The following RAPGEF2 variants were observed in gnomAD, a reference collection of about 807,000 sequenced individuals.
RAPGEF2 encodes the protein PDZ domain containing guanine nucleotide exchange factor (GEF) 1.
In RAPGEF2, 54 loss-of-function variants were observed where a neutral mutation model predicts 186.7. The ratio of observed to expected loss-of-function variants is 0.29; its 90% confidence interval spans 0.23 to 0.36. The LOEUF (loss-of-function observed/expected upper bound fraction) is 0.36, where lower values mean the gene tolerates loss of function less well. Among genes scored for constraint, RAPGEF2 ranks in the 10% least tolerant of loss-of-function variants. The pLI is 1.00. For missense variants in RAPGEF2, 1,532 were observed against 2,045.0 expected (o/e 0.75, Z 4.84); for synonymous variants, 712 against 705.9 (o/e 1.01, Z -0.14).
At chr4:159,116,002 A>C (rs1019611615) in intron 1 of RAPGEF2, among the ~76,000 whole-genome samples, 4 of 152,218 alleles carry the variant, frequency 2.6e-5, no homozygotes, top group Admixed American at 2.6e-4. Context: ...AAATCTAGGC[A>C]ATACCATTCA....
intron 4 of RAPGEF2, among the ~76,000 whole-genome samples, chr4:159,234,274 T>C (rs1417644779): frequency 6.6e-6 from 1 of 152,192 alleles, no homozygotes; most frequent in Non-Finnish European, 1.5e-5. Flanking sequence ...AGGTGTACAT[T>C]TAAGTTACCC....
chr4:159,175,237 C>T (rs899700432), intron 1 of RAPGEF2, among the ~76,000 whole-genome samples: 1 of 152,030 alleles, frequency 6.6e-6, no homozygotes, highest in African/African-American at 2.4e-5. Context: ...AGTTCAGAAA[C>T]AGTATTTTGC....
At chr4:159,154,505 C>CTTT (rs5863351) in intron 1 of RAPGEF2, among the ~76,000 whole-genome samples, 10 of 136,668 alleles carry the variant, frequency 7.3e-5, no homozygotes, top group Admixed American at 1.5e-4. Context: ...CTCACATCAC[C>CTTT]TTTTTTTTTT....
chr4:159,161,711 CAAAAA>C (rs1336697852), intron 1 of RAPGEF2, among the ~76,000 whole-genome samples: 1 of 151,848 alleles, frequency 6.6e-6, no homozygotes, highest in Non-Finnish European at 1.5e-5. Flanking sequence ...GGTCCTGTCT[CAAAAA>C]TAAAAATAAA....
chr4:159,256,513 G>A lies in RAPGEF2; in HGVS notation c.543+12722G>A, dbSNP rs554181260. The stretch of plus-strand genomic sequence containing the variant: ...GAGTAGTGCTGTGATGAACATATGT[G>A]TGTGAGTATCTTTGTAATAGGATGA... On this transcript the variant is annotated intron_variant, in intron 7 of 29. Coordinates refer to ENST00000691494, the MANE Select transcript of RAPGEF2 (RefSeq NM_001394067.2). 2.0e-5 allele frequency among the ~76,000 whole-genome samples: 3 copies of A among 152,320 alleles called. No individual in the cohort carries two copies. The East Asian group carries it at 5.8e-4, about 29-fold the overall frequency.
At chr4:159,332,718 T>C in intron 17 of RAPGEF2, 21 bp downstream of exon 17, 1 of 1,608,180 alleles carries the variant, frequency 6.2e-7, no homozygotes, top group Non-Finnish European at 8.5e-7. Context: ...GCATATGTCT[T>C]CTGTGCATTA....
chr4:159,241,352 C>T lies in RAPGEF2; in HGVS notation c.509C>T (p.Pro170Leu). ...TATCCCATGGGCAAACCTCCTTTGC[C>T]TAGAGGCTATCACACGGTAAGTTAT... ...DPYPMGKPPL[P>L]RGYHTECTKS... Residue 170 changes from proline to leucine, a missense_variant, in exon 6 of 30, where the codon CCT (proline) becomes CTT (leucine). Coordinates refer to ENST00000691494, the MANE Select transcript of RAPGEF2 (RefSeq NM_001394067.2). 6.7e-7 allele frequency: 1 copy of T among 1,495,042 alleles called. No homozygotes were observed. Among genetic ancestry groups the T allele is most frequent in the South Asian group, 1.3e-5 (1 of 75,744 alleles). 92.6% of individuals were successfully genotyped at this position (1,495,042 alleles called of 1,614,324 possible). A position where few individuals can be genotyped will look rare whatever the true frequency, so the allele number is the denominator to read the frequency against.
chr4:159,281,691 GAA>G (rs1759745467), intron 7 of RAPGEF2, among the ~76,000 whole-genome samples: 4 of 137,020 alleles, frequency 2.9e-5, no homozygotes, highest in Non-Finnish European at 6.4e-5. Context: ...AAAAAAAAAA[GAA>G]AAGGAAAAGG....
chr4:159,241,921 TGAA>T (rs1754061525), intron 6 of RAPGEF2, among the ~76,000 whole-genome samples: 1 of 152,108 alleles, frequency 6.6e-6, no homozygotes. Context: ...TTTAATGCAG[TGAA>T]GGAGGAATAA....
intron 7 of RAPGEF2, chr4:159,268,133 A>C (rs1757659071): frequency 6.2e-7 from 1 of 1,612,836 alleles, no homozygotes; most frequent in African/African-American, 1.3e-5. Context: ...GTGTAAATTC[A>C]GTTCAGCATA....
At chr4:159,298,034 TA>T (rs1762227246) in intron 7 of RAPGEF2, among the ~76,000 whole-genome samples, 1 of 152,220 alleles carries the variant, frequency 6.6e-6, no homozygotes, top group African/African-American at 2.4e-5. Flanking sequence ...GAATGTTAAG[TA>T]ATTACAAATT....
chr4:159,248,986 G>A (rs1056191768), intron 7 of RAPGEF2, among the ~76,000 whole-genome samples: 1 of 152,032 alleles, frequency 6.6e-6, no homozygotes, highest in Non-Finnish European at 1.5e-5. Flanking sequence ...GTCATAATTG[G>A]ACCCATCTTT....
Position 159,342,553 on chromosome 4 carries a change from A to ATTATTTTATTTTATTTTATT in RAPGEF2, c.2919-380_2919-361dup, listed in dbSNP as rs1159754910. 2.2e-3 allele frequency among the ~76,000 whole-genome samples: 158 copies of ATTATTTTATTTTATTTTATT among 71,952 alleles called. 1 individual carries two copies. Among genetic ancestry groups the ATTATTTTATTTTATTTTATT allele is most frequent in the African/African-American group, 6.5e-3 (127 of 19,422 alleles). 47.2% of individuals were successfully genotyped at this position (71,952 alleles called of 152,430 possible). ...TTTATTTTATTTTATTTTATTTTAT[A>ATTATTTTATTTTATTTTATT]TTATTTTATTTTATTTTATTTTATT... On this transcript the variant is annotated intron_variant, in intron 20 of 29. Transcript: ENST00000691494.
At position 159,127,294 on chromosome 4, in the gene RAPGEF2, T is replaced by C. The variant is rs188595032; in HGVS notation, c.69+23063T>C. On this transcript the variant is annotated intron_variant, in intron 1 of 29. Coordinates refer to ENST00000691494, the MANE Select transcript of RAPGEF2 (RefSeq NM_001394067.2). ...CGCCTGCCTTGGCCTCCCAAAGTGC[T>C]GGGATTACAGGTGTGAACCACCGCA... 3.5e-3 allele frequency among the ~76,000 whole-genome samples: 532 copies of C among 152,348 alleles called. 3 individuals carry two copies. The highest frequency in any genetic ancestry group is 0.012 in the African/African-American group (499 of 41,580).
intron 1 of RAPGEF2, among the ~76,000 whole-genome samples, chr4:159,118,531 T>C (rs1469645002): frequency 1.5e-5 from 2 of 137,806 alleles, no homozygotes; most frequent in Non-Finnish European, 3.1e-5. Context: ...TCCATGAAAC[T>C]GGTCCCTGGT....
chr4:159,307,974 A>G (rs1480931010), intron 8 of RAPGEF2, among the ~76,000 whole-genome samples: 2 of 150,104 alleles, frequency 1.3e-5, no homozygotes, highest in African/African-American at 5.1e-5. Flanking sequence ...CCGTCTCAAA[A>G]AACAAAAAAG....
rs906895602 is a variant in RAPGEF2 at position 159,353,045 on chromosome 4, T to C, written c.4091+135T>C. 6 of 827,688 alleles carry C rather than the reference T, an allele frequency of 7.2e-6. No individual in the cohort carries two copies. In the Admixed American group the frequency reaches 1.8e-4, roughly 25 times the overall value. The allele number at this position is 827,688 out of a possible 1,614,324, so 51.3% of individuals were successfully genotyped here. A position where few individuals can be genotyped will look rare whatever the true frequency, so the allele number is the denominator to read the frequency against. The stretch of plus-strand genomic sequence containing the variant: ...ATTTTTCTGCCATCCCAGTTCTGAT[T>C]TTCACAATTTCTACACTAAGTATCA... On this transcript the variant is annotated intron_variant, in intron 27 of 29. Coordinates refer to ENST00000691494, the MANE Select transcript of RAPGEF2 (RefSeq NM_001394067.2). This position sits in a 1 kb window ranked among gnomAD's most constrained non-coding sequence, Gnocchi z 4.3.
chr4:159,187,822 G>T (rs1472859872), intron 2 of RAPGEF2, among the ~76,000 whole-genome samples: 2 of 152,266 alleles, frequency 1.3e-5, no homozygotes, highest in East Asian at 3.9e-4. Context: ...TATTTTTGAT[G>T]CCAGCGGGTT....
intron 1 of RAPGEF2, among the ~76,000 whole-genome samples, chr4:159,181,237 A>G (rs765617098): frequency 8.5e-5 from 13 of 152,270 alleles, no homozygotes; most frequent in African/African-American, 1.9e-4. Flanking sequence ...CTTTTGTTCT[A>G]TTTTAAGGCC....
Sources: gnomAD v4.1 joint callset for allele counts (sites outside exome capture counted in the v4.1 genomes callset) on GRCh38, gnomAD v4.1.1 for gene constraint, Gnocchi (gnomAD v3.1) non-coding constraint, MANE v1.5 for transcripts, NCBI Gene and HGNC (gene_info 2026-07-23, HGNC 2026-07-21) for gene names.